EVA1A: variants seen among roughly 807,000 people sequenced by gnomAD.
EVA1A encodes eva-1 homolog A, regulator of programmed cell death, also known as protein eva-1 homolog A.
Under a neutral mutation model 9.8 loss-of-function variants are expected in EVA1A, and 7 were observed. That is an observed-to-expected ratio of 0.71 (90% CI 0.41 to 1.34). EVA1A has a LOEUF of 1.34. EVA1A is among the 40% of genes most tolerant of loss of function. The probability of loss-of-function intolerance (pLI) is 0.01; values close to 1 mark genes in which losing one functional copy is unlikely to be tolerated. For synonymous variants in EVA1A, 90 were observed against 85.6 expected (o/e 1.05, Z -0.28); for missense variants, 206 against 205.9 (o/e 1.00, Z 0.00).
In EVA1A at chr2:75,517,966, T is replaced by C. The variant is rs993469317; in HGVS notation, c.85+90A>G. The C allele has an allele frequency of 1.2e-5, 18 of 1,465,410 alleles. No individual in the cohort carries two copies. In the African/African-American group the frequency reaches 2.2e-4, roughly 18 times the overall value. 90.8% of individuals were successfully genotyped at this position (1,465,410 alleles called of 1,614,324 possible). A position where few individuals can be genotyped will look rare whatever the true frequency, so the allele number is the denominator to read the frequency against. ...CTTTGATTACGTAGTGTGTCTTTAC[T>C]GAGAATAAGGCCAGAGATGGCCACC... On this transcript the variant is annotated intron_variant, in intron 3 of 3. Transcript: ENST00000393913.
intron 2 of EVA1A, chr2:75,518,601 C>T: frequency 1.0e-6 from 1 of 990,780 alleles, no homozygotes; most frequent in Non-Finnish European, 1.2e-6. Flanking sequence ...CTTTCTCTGC[C>T]CTGTATCTTC....
chr2:75,494,459 CT>C, intron 3 of EVA1A, among the ~76,000 whole-genome samples: 1 of 152,350 alleles, frequency 6.6e-6, no homozygotes, highest in Middle Eastern at 3.4e-3. Context: ...CTCTCTCCTT[CT>C]CTGGGGCTCT....
At chr2:75,552,738 A>G (rs1676569646) in intron 1 of EVA1A, among the ~76,000 whole-genome samples, 1 of 152,178 alleles carries the variant, frequency 6.6e-6, no homozygotes. Context: ...CACTGTTTTC[A>G]GATAAGACAG....
At chr2:75,495,874 T>G (rs1674194012) in intron 3 of EVA1A, among the ~76,000 whole-genome samples, 2 of 152,236 alleles carry the variant, frequency 1.3e-5, no homozygotes, top group African/African-American at 4.8e-5. Context: ...CTTCTTTTTC[T>G]TCTCCTCCTT....
intron 3 of EVA1A, among the ~76,000 whole-genome samples, chr2:75,505,292 C>A (rs2103800941): frequency 6.6e-6 from 1 of 152,270 alleles, no homozygotes. Flanking sequence ...TGTGGTTGCG[C>A]TATAATTAGT....
intron 2 of EVA1A, among the ~76,000 whole-genome samples, chr2:75,520,647 A>T (rs1171737511): frequency 6.6e-6 from 1 of 152,202 alleles, no homozygotes; most frequent in Non-Finnish European, 1.5e-5. Context: ...GTCCACGTGC[A>T]AAAGGATGAA....
At chr2:75,541,159 A>C (rs916688647) in intron 1 of EVA1A, among the ~76,000 whole-genome samples, 1 of 152,238 alleles carries the variant, frequency 6.6e-6, no homozygotes, top group African/African-American at 2.4e-5. Flanking sequence ...TGCATACAAT[A>C]GAGCTGAGCC....
At chr2:75,565,566 C>G (rs1248021627), upstream of EVA1A, among the ~76,000 whole-genome samples, 1 of 152,158 alleles carries the variant, frequency 6.6e-6, no homozygotes, top group African/African-American at 2.4e-5. Context: ...GGTAGGAAAT[C>G]TGGTTTTGTC....
chr2:75,493,008 A>G lies in EVA1A; in HGVS notation c.*228T>C. On this transcript the variant is annotated 3_prime_UTR_variant, in exon 4 of 4. Transcript: ENST00000393913. Reference sequence around the variant, plus strand: ...TCCACAGTGTTGGAGAGGATTTTTCAGCACCATTCCGAGACCTGGAAAGGG... The same window carrying G: ...TCCACAGTGTTGGAGAGGATTTTTCGGCACCATTCCGAGACCTGGAAAGGG... 3 of 587,102 alleles carry G rather than the reference A, an allele frequency of 5.1e-6. No individual in the cohort carries two copies. Among genetic ancestry groups the G allele is most frequent in the Non-Finnish European group, 2.9e-6 (1 of 340,048 alleles). 36.4% of individuals were successfully genotyped at this position (587,102 alleles called of 1,614,324 possible).
chr2:75,532,068 G>A (rs1027445412), intron 1 of EVA1A, among the ~76,000 whole-genome samples: 53 of 148,998 alleles, frequency 3.6e-4, no homozygotes, highest in African/African-American at 1.3e-3. Flanking sequence ...GCTGAGGCAG[G>A]AGAATGGCAT....
At chr2:75,553,897 A>G (rs537866758) in intron 1 of EVA1A, among the ~76,000 whole-genome samples, 1 of 152,192 alleles carries the variant, frequency 6.6e-6, no homozygotes, top group Non-Finnish European at 1.5e-5. Context: ...TCTCAGGTTC[A>G]TAGCGACATC....
chr2:75,538,839 A>G (rs976389645), intron 1 of EVA1A, among the ~76,000 whole-genome samples: 5 of 152,212 alleles, frequency 3.3e-5, no homozygotes, highest in Non-Finnish European at 2.9e-5. Context: ...AGGTTAAGGA[A>G]GGATTGGGGT....
chr2:75,564,814 GC>G (rs1371628613), upstream of EVA1A, among the ~76,000 whole-genome samples: 2 of 152,126 alleles, frequency 1.3e-5, no homozygotes, highest in Non-Finnish European at 2.9e-5. Context: ...TTTTACACAA[GC>G]TCATTGTGGC....
chr2:75,531,111 C>T (rs538424349), intron 1 of EVA1A, among the ~76,000 whole-genome samples: 1 of 152,250 alleles, frequency 6.6e-6, no homozygotes, highest in South Asian at 2.1e-4. Flanking sequence ...CCAACAGTGA[C>T]TAAGCTGAGA....
intron 3 of EVA1A, among the ~76,000 whole-genome samples, chr2:75,505,082 AG>A (rs1344685376): frequency 6.6e-6 from 1 of 152,168 alleles, no homozygotes; most frequent in African/African-American, 2.4e-5. Flanking sequence ...TTCCCCTGCA[AG>A]GGAAAGACCT....
chr2:75,497,620 C>T (rs996921206), intron 3 of EVA1A, among the ~76,000 whole-genome samples: 5 of 151,898 alleles, frequency 3.3e-5, no homozygotes, highest in African/African-American at 9.7e-5. Context: ...GAGGCTGAGG[C>T]AGGCAGATCA....
At chr2:75,537,931 T>C (rs1675974250) in intron 1 of EVA1A, among the ~76,000 whole-genome samples, 1 of 152,172 alleles carries the variant, frequency 6.6e-6, no homozygotes, top group Admixed American at 6.5e-5. Flanking sequence ...CAAATAAACA[T>C]CTTTTCTTTA....
At chr2:75,543,708 A>AG (rs950886940) in intron 1 of EVA1A, among the ~76,000 whole-genome samples, 21 of 152,198 alleles carry the variant, frequency 1.4e-4, no homozygotes, top group African/African-American at 4.8e-4. Context: ...ATTCCTCACC[A>AG]GGGGGAACTA....
At chr2:75,528,476 G>A (rs1427466453) in intron 1 of EVA1A, among the ~76,000 whole-genome samples, 1 of 152,146 alleles carries the variant, frequency 6.6e-6, no homozygotes, top group East Asian at 1.9e-4. Flanking sequence ...TGTGGGAGCT[G>A]GGTGAGGTCT....
Sources: gnomAD v4.1 joint callset for allele counts (sites outside exome capture counted in the v4.1 genomes callset) on GRCh38, gnomAD v4.1.1 for gene constraint, MANE v1.5 for transcripts, NCBI Gene and HGNC (gene_info 2026-07-23, HGNC 2026-07-21) for gene names.